SLC33A1: variants seen among roughly 807,000 people sequenced by gnomAD.
SLC33A1 encodes acetyl-coenzyme A transporter 1.
SLC33A1 carries 20 observed loss-of-function variants against 50.0 expected under a neutral mutation model. That is an observed-to-expected ratio of 0.40 (90% CI 0.28 to 0.58). The LOEUF is 0.58. Among genes scored for constraint, SLC33A1 ranks in the 20% least tolerant of loss-of-function variants. SLC33A1 has a pLI of 0.44. For missense variants in SLC33A1, 476 were observed against 657.0 expected (o/e 0.72, Z 3.01); for synonymous variants, 265 against 251.8 (o/e 1.05, Z -0.50).
At chr3:155,828,428 T>C in intron 5 of SLC33A1, 51 bp from the exon 6 acceptor site, 1 of 1,084,990 alleles carries the variant, frequency 9.2e-7, no homozygotes, top group South Asian at 1.3e-5. Context: ...AATGAAAGTA[T>C]TTAGCAATTA....
At chr3:155,836,327 A>G (rs76703447) in intron 2 of SLC33A1, among the ~76,000 whole-genome samples, 20,128 of 138,102 alleles carry the variant, frequency 0.15, 4,147 homozygotes, top group African/African-American at 0.5. Context: ...AAGAAAGAAA[A>G]AAAGAAAGAA....
Position 155,833,924 on chromosome 3 carries a change from G to A in SLC33A1, c.1081C>T (p.Leu361=), listed in dbSNP as rs1269885200. ...PMVPLQIILP[L]IISKYTAGPQ... Reference sequence around the variant, plus strand: ...CCTGCAGTGTATTTGCTGATAATCAGAGGCAGTATTATCTGCAAAGGAACC... The same window carrying A: ...CCTGCAGTGTATTTGCTGATAATCAAAGGCAGTATTATCTGCAAAGGAACC... The change falls in exon 3 of 6, where the codon CTG becomes TTG. Residue 361 remains leucine, a synonymous_variant. Coordinates refer to ENST00000643144, the MANE Select transcript of SLC33A1 (RefSeq NM_004733.4). 1.2e-6 allele frequency: 2 copies of A among 1,613,600 alleles called. No homozygotes were observed. The highest frequency in any genetic ancestry group is 2.2e-5 in the East Asian group (1 of 44,842).
chr3:155,847,099 T>A (rs1232424593), intron 1 of SLC33A1, among the ~76,000 whole-genome samples: 1 of 151,978 alleles, frequency 6.6e-6, no homozygotes, highest in African/African-American at 2.4e-5. Context: ...TCCCAGCTAC[T>A]TGGGAATCTG....
Position 155,842,639 on chromosome 3 carries a change from ATAAT to A in SLC33A1, c.776-24_776-21del. 2.4e-6 allele frequency: 3 copies of A among 1,265,430 alleles called. No individual in the cohort carries two copies. The highest frequency in any genetic ancestry group is 3.3e-6 in the Non-Finnish European group (3 of 906,238). 78.4% of individuals were successfully genotyped at this position (1,265,430 alleles called of 1,614,324 possible). A position where few individuals can be genotyped will look rare whatever the true frequency, so the allele number is the denominator to read the frequency against. ...GGAAATCTGAAAATGTTTTAAATCT[ATAAT>A]TAATTTTTAAAATTACATAATTTCA... On this transcript the variant is annotated intron_variant, in intron 1 of 5. Coordinates refer to ENST00000643144, the MANE Select transcript of SLC33A1 (RefSeq NM_004733.4).
At position 155,828,062 on chromosome 3, in the gene SLC33A1, G is replaced by T; in HGVS notation, c.*148C>A. 1.6e-6 allele frequency: 1 copy of T among 631,734 alleles called. No homozygotes were observed. The highest frequency in any genetic ancestry group is 2.8e-6 in the Non-Finnish European group (1 of 359,174). The allele number at this position is 631,734 out of a possible 1,614,324, so 39.1% of individuals were successfully genotyped here. A position where few individuals can be genotyped will look rare whatever the true frequency, so the allele number is the denominator to read the frequency against. On this transcript the variant is annotated 3_prime_UTR_variant, in exon 6 of 6. Coordinates refer to ENST00000643144, the MANE Select transcript of SLC33A1 (RefSeq NM_004733.4). ...AAAATATGATCAAATATACAGAAAG[G>T]TTTCTATTTTTTCAACCATTTGGCA...
At chr3:155,849,197 G>C (rs1753300116) in intron 1 of SLC33A1, among the ~76,000 whole-genome samples, 1 of 152,064 alleles carries the variant, frequency 6.6e-6, no homozygotes, top group South Asian at 2.1e-4. Context: ...TTACAGGTGT[G>C]AGCCGCTGCA....
Position 155,823,858 on chromosome 3 carries a change from T to G in SLC33A1, c.*4352A>C, listed in dbSNP as rs926317734. ...TCCCTAGTAGCTGGGATTACAGTCGTGTGCCACCCTATGCCTGGCTAATTT... is the reference window on the plus strand; with the variant it reads ...TCCCTAGTAGCTGGGATTACAGTCGGGTGCCACCCTATGCCTGGCTAATTT... On this transcript the variant is annotated 3_prime_UTR_variant, in exon 6 of 6. Transcript: ENST00000643144. 1 of 151,980 alleles carries G rather than the reference T, an allele frequency of 6.6e-6. No individual in the cohort carries two copies. The highest frequency in any genetic ancestry group is 2.4e-5 in the African/African-American group (1 of 41,404). The allele number at this position is 151,980 out of a possible 1,614,324, so 9.4% of individuals were successfully genotyped here. A position where few individuals can be genotyped will look rare whatever the true frequency, so the allele number is the denominator to read the frequency against.
intron 1 of SLC33A1, among the ~76,000 whole-genome samples, chr3:155,848,092 T>A (rs902677845): frequency 6.6e-6 from 1 of 152,136 alleles, no homozygotes; most frequent in African/African-American, 2.4e-5. Flanking sequence ...CCTGAAGACA[T>A]AGATTAGATA....
chr3:155,833,657 G>A lies in SLC33A1; in HGVS notation c.1149-72C>T, dbSNP rs112015609. ...ACAACAACAACAAAAACAGAAATCCGTGTGCCTACCATATGAAAGAAGCTG... is the reference window on the plus strand; with the variant it reads ...ACAACAACAACAAAAACAGAAATCCATGTGCCTACCATATGAAAGAAGCTG... On this transcript the variant is annotated intron_variant, in intron 3 of 5. Transcript: ENST00000643144. The A allele has an allele frequency of 6.7e-5, 69 of 1,023,146 alleles. 2 individuals carry two copies. Among genetic ancestry groups the A allele is most frequent in the African/African-American group, 6.3e-4 (40 of 63,418 alleles). The allele number at this position is 1,023,146 out of a possible 1,614,324, so 63.4% of individuals were successfully genotyped here.
chr3:155,836,199 G>A (rs1347223309), intron 2 of SLC33A1, among the ~76,000 whole-genome samples: 6 of 135,028 alleles, frequency 4.4e-5, no homozygotes, highest in East Asian at 2.4e-4. Context: ...CAGCAGAATC[G>A]CTTGAACCTG....
In SLC33A1 at chr3:155,842,603, C is replaced by A. The variant is rs1577470630; in HGVS notation, c.792G>T (p.Trp264Cys). 1 of 1,554,044 alleles carries A rather than the reference C, an allele frequency of 6.4e-7. No individual in the cohort carries two copies. Among genetic ancestry groups the A allele is most frequent in the South Asian group, 1.2e-5 (1 of 80,420 alleles). ...TTGTTGTTATTAAAAATACAGTTCC[C>A]CAGAAAAAAAGGAAATCTGAAAATG... ...IVTLSDFLFF[W>C]GTVFLITTTL... The change falls in exon 2 of 6, where the codon TGG (tryptophan) becomes TGT (cysteine). Residue 264 changes from tryptophan to cysteine, a missense_variant. Transcript: ENST00000643144.
intron 4 of SLC33A1, among the ~76,000 whole-genome samples, chr3:155,830,754 T>C (rs2109306834): frequency 6.6e-6 from 1 of 152,184 alleles, no homozygotes; most frequent in East Asian, 1.9e-4. Flanking sequence ...CATATATAAA[T>C]ACTCAAATAT....
At chr3:155,828,608 T>G (rs1369306120) in intron 5 of SLC33A1, among the ~76,000 whole-genome samples, 1 of 152,196 alleles carries the variant, frequency 6.6e-6, no homozygotes, top group Non-Finnish European at 1.5e-5. Context: ...TTTTCTTTTT[T>G]GAGACACGGT....
rs1752078582 is a variant in SLC33A1 at position 155,821,180 on chromosome 3, T to C, written c.*7030A>G. On this transcript the variant is annotated 3_prime_UTR_variant, in exon 6 of 6. Coordinates refer to ENST00000643144, the MANE Select transcript of SLC33A1 (RefSeq NM_004733.4). ...CATCTTTTAATAAATTAACCAAATATAACTAACAGTTCAGATATACTCAAA... is the reference window on the plus strand; with the variant it reads ...CATCTTTTAATAAATTAACCAAATACAACTAACAGTTCAGATATACTCAAA... 1 of 152,220 alleles carries C rather than the reference T, an allele frequency of 6.6e-6. No homozygotes were observed. The highest frequency in any genetic ancestry group is 2.4e-5 in the African/African-American group (1 of 41,454). 9.4% of individuals were successfully genotyped at this position (152,220 alleles called of 1,614,324 possible).
At chr3:155,838,662 CAGAG>C (rs1219050908) in intron 2 of SLC33A1, among the ~76,000 whole-genome samples, 1 of 130,256 alleles carries the variant, frequency 7.7e-6, no homozygotes, top group Non-Finnish European at 1.6e-5. Context: ...GCTTGGGCAA[CAGAG>C]AGAGACTCTG....
chr3:155,848,345 G>A (rs1312502049), intron 1 of SLC33A1, among the ~76,000 whole-genome samples: 1 of 152,048 alleles, frequency 6.6e-6, no homozygotes, highest in Non-Finnish European at 1.5e-5. Flanking sequence ...TGTAAAATTA[G>A]GAAATAAAAA....
At position 155,827,100 on chromosome 3, in the gene SLC33A1, C is replaced by T. The variant is rs775775644; in HGVS notation, c.*1110G>A. On this transcript the variant is annotated 3_prime_UTR_variant, in exon 6 of 6. Coordinates refer to ENST00000643144, the MANE Select transcript of SLC33A1 (RefSeq NM_004733.4). ...TCAAACAAAAGGTTATGTGTTAATACATGAAAATACAGTACCTGATTTGGC... is the reference window on the plus strand; with the variant it reads ...TCAAACAAAAGGTTATGTGTTAATATATGAAAATACAGTACCTGATTTGGC... 2 of 152,174 alleles carry T rather than the reference C, an allele frequency of 1.3e-5. No individual in the cohort carries two copies. The highest frequency in any genetic ancestry group is 4.8e-5 in the African/African-American group (2 of 41,450). The allele number at this position is 152,174 out of a possible 1,614,324, so 9.4% of individuals were successfully genotyped here.
chr3:155,833,716 A>C (rs1033761744), intron 3 of SLC33A1, 131 bp from the exon 4 acceptor site: 4 of 934,930 alleles, frequency 4.3e-6, no homozygotes, highest in Non-Finnish European at 6.9e-6. Flanking sequence ...AAAAGATAAA[A>C]GTGCATATAA....
intron 1 of SLC33A1, among the ~76,000 whole-genome samples, chr3:155,845,421 G>C (rs1233191610): frequency 2.6e-5 from 4 of 152,060 alleles, no homozygotes. Flanking sequence ...TGACCTCCTA[G>C]GCTCAAGTGA....
Sources: allele counts gnomAD v4.1 joint callset (sites outside exome capture counted in the v4.1 genomes callset), GRCh38; gene constraint gnomAD v4.1.1; transcripts MANE v1.5; gene names NCBI Gene and HGNC (gene_info 2026-07-23, HGNC 2026-07-21).